FARS2: variants seen among roughly 807,000 people sequenced by gnomAD.
The protein encoded by FARS2 is phenylalanine--tRNA ligase, mitochondrial.
FARS2 carries 40 observed loss-of-function variants against 46.4 expected under a neutral mutation model. The observed-to-expected ratio is 0.86, with a 90% CI of 0.67 to 1.12. The LOEUF (loss-of-function observed/expected upper bound fraction) is 1.12. Among genes scored for constraint, FARS2 ranks in the 50% most tolerant of loss-of-function variants. The pLI, the probability that FARS2 is intolerant of heterozygous loss-of-function variation, is 0.00. For missense variants in FARS2, 513 were observed against 567.9 expected (o/e 0.90, Z 0.98); for synonymous variants, 234 against 214.9 (o/e 1.09, Z -0.78).
intron 1 of FARS2, among the ~76,000 whole-genome samples, chr6:5,346,160 C>G (rs1757218289): frequency 6.6e-6 from 1 of 152,190 alleles, no homozygotes; most frequent in South Asian, 2.1e-4. Context: ...ATTAAACCAG[C>G]TGATCTTTAA....
At position 5,771,541 on chromosome 6, in the gene FARS2, GT is replaced by G. The variant is rs1763050367; in HGVS notation, c.*116del. On this transcript the variant is annotated 3_prime_UTR_variant, in exon 7 of 7. Coordinates refer to ENST00000274680, the MANE Select transcript of FARS2 (RefSeq NM_006567.5). ...CAATCATCTTTTGATAAATGGATCA[GT>G]TTTAGGACTTTCAGAAAATAAAAGA... 1 of 1,145,836 alleles carries G rather than the reference GT, an allele frequency of 8.7e-7. No homozygotes were observed. The highest frequency in any genetic ancestry group is 2.4e-5 in the East Asian group (1 of 40,844). The allele number at this position is 1,145,836 out of a possible 1,614,324, so 71.0% of individuals were successfully genotyped here.
At chr6:5,674,904 C>T (rs370348045) in intron 6 of FARS2, among the ~76,000 whole-genome samples, 3 of 152,060 alleles carry the variant, frequency 2.0e-5, no homozygotes, top group Admixed American at 6.6e-5. Context: ...CCATTGAGAC[C>T]GAACAGGCAA....
chr6:5,726,716 G>A (rs1760282376), intron 6 of FARS2, among the ~76,000 whole-genome samples: 1 of 152,188 alleles, frequency 6.6e-6, no homozygotes, highest in African/African-American at 2.4e-5. Flanking sequence ...CAGAGGGTGG[G>A]GCATGTCAGT....
chr6:5,328,699 A>C (rs1770573853), intron 1 of FARS2, among the ~76,000 whole-genome samples: 1 of 152,036 alleles, frequency 6.6e-6, no homozygotes, highest in Non-Finnish European at 1.5e-5. Flanking sequence ...AACCCTGTTG[A>C]CTTTTAAGAT....
Position 5,551,638 on chromosome 6 carries a change from A to C in FARS2, c.1065+6298A>C, listed in dbSNP as rs151066314. Among the ~76,000 whole-genome samples the C allele has an allele frequency of 6.6e-5, 10 of 152,316 alleles. No individual in the cohort carries two copies. The East Asian group carries it at 1.9e-3, about 29-fold the overall frequency. On this transcript the variant is annotated intron_variant, in intron 5 of 6. Coordinates refer to ENST00000274680, the MANE Select transcript of FARS2 (RefSeq NM_006567.5). ...AAACTTAGAAGCTTAAAACAACATG[A>C]GCTTATTATCTTATATTTTTGGAGG...
chr6:5,432,528 T>TATA (rs59122142), intron 4 of FARS2, among the ~76,000 whole-genome samples: 3,031 of 121,674 alleles, frequency 0.025, 180 homozygotes, highest in African/African-American at 0.098. Context: ...TATATATATA[T>TATA]TTTTTTTTTT....
chr6:5,360,168 C>T (rs184139465), intron 1 of FARS2, among the ~76,000 whole-genome samples: 80 of 152,238 alleles, frequency 5.3e-4, no homozygotes, highest in East Asian at 1.2e-3. Context: ...TTCAAATTAA[C>T]GATTTCAAAA....
intron 6 of FARS2, among the ~76,000 whole-genome samples, chr6:5,693,566 A>C (rs566567151): frequency 6.6e-6 from 1 of 152,308 alleles, no homozygotes; most frequent in African/African-American, 2.4e-5. Context: ...TAGAGTAAAA[A>C]TCTGGTTATC....
At chr6:5,619,490 G>A (rs1363850323) in intron 6 of FARS2, among the ~76,000 whole-genome samples, 1 of 152,190 alleles carries the variant, frequency 6.6e-6, no homozygotes, top group Non-Finnish European at 1.5e-5. Context: ...GTCAGTCAGA[G>A]CTGAGATGCT....
chr6:5,492,340 A>G (rs1767173237), intron 4 of FARS2, among the ~76,000 whole-genome samples: 1 of 152,254 alleles, frequency 6.6e-6, no homozygotes. Context: ...AGCACTTAAG[A>G]TAACTCAATA....
intron 5 of FARS2, among the ~76,000 whole-genome samples, chr6:5,599,823 AG>A (rs2150629815): frequency 6.6e-6 from 1 of 152,310 alleles, no homozygotes; most frequent in African/African-American, 2.4e-5. Flanking sequence ...CTCCTCTGCA[AG>A]CCCTTCCTTA....
chr6:5,278,530 G>A (rs1036102054), intron 1 of FARS2, among the ~76,000 whole-genome samples: 8 of 152,122 alleles, frequency 5.3e-5, no homozygotes, highest in African/African-American at 1.9e-4. Flanking sequence ...TTTGAAAGAA[G>A]CCTTATTTTT....
At chr6:5,330,744 T>C (rs1319173905) in intron 1 of FARS2, among the ~76,000 whole-genome samples, 1 of 152,186 alleles carries the variant, frequency 6.6e-6, no homozygotes, top group Non-Finnish European at 1.5e-5. Context: ...GGAGTCAGAA[T>C]ATGTATGTAT....
chr6:5,461,701 T>C (rs1417564087), intron 4 of FARS2, among the ~76,000 whole-genome samples: 4 of 152,242 alleles, frequency 2.6e-5, no homozygotes, highest in Admixed American at 6.5e-5. Flanking sequence ...ATGTAGTCTT[T>C]GGCATGTGGC....
chr6:5,769,127 T>G lies in FARS2; in HGVS notation c.1218-2164T>G, dbSNP rs1762898251. The stretch of plus-strand genomic sequence containing the variant: ...GTTTCAGCTCTTATATTGAGATATA[T>G]GATATATTTTGAGTTAGTTTGTGTG... On this transcript the variant is annotated intron_variant, in intron 6 of 6. Transcript: ENST00000274680. 2.0e-5 allele frequency among the ~76,000 whole-genome samples: 3 copies of G among 152,270 alleles called. No homozygotes were observed. The South Asian group carries it at 6.2e-4, about 32-fold the overall frequency.
intron 5 of FARS2, among the ~76,000 whole-genome samples, chr6:5,574,611 T>C (rs1400104720): frequency 6.6e-6 from 1 of 152,206 alleles, no homozygotes; most frequent in Non-Finnish European, 1.5e-5. Context: ...TAGATTCTCA[T>C]TATTTGCAGT....
intron 4 of FARS2, chr6:5,457,886 T>C (rs1232408993): frequency 4.6e-5 from 7 of 152,210 alleles, no homozygotes; most frequent in African/African-American, 1.7e-4. Context: ...CTCAGGAGTA[T>C]TTCCTACCTG....
chr6:5,383,131 A>G (rs1759895185), intron 2 of FARS2, among the ~76,000 whole-genome samples: 1 of 152,224 alleles, frequency 6.6e-6, no homozygotes, highest in African/African-American at 2.4e-5. Context: ...AAAATTAACC[A>G]TCATACCATT....
chr6:5,675,968 T>A (rs1215916433), intron 6 of FARS2, among the ~76,000 whole-genome samples: 1 of 152,190 alleles, frequency 6.6e-6, no homozygotes, highest in Admixed American at 6.5e-5. Flanking sequence ...TCATTCTTTT[T>A]TTTCTCACCT....
Sources: allele counts gnomAD v4.1 joint callset (sites outside exome capture counted in the v4.1 genomes callset), GRCh38; gene constraint gnomAD v4.1.1; transcripts MANE v1.5; gene names NCBI Gene and HGNC (gene_info 2026-07-23, HGNC 2026-07-21).